The following SBK1 variants were observed in gnomAD, a reference collection of about 807,000 sequenced individuals.
SBK1 encodes SH3 domain binding kinase 1.
SBK1 carries 11 observed loss-of-function variants against 24.4 expected under a neutral mutation model. The ratio of observed to expected loss-of-function variants is 0.45; its 90% CI spans 0.28 to 0.75. The LOEUF is 0.75. Among genes scored for constraint, SBK1 ranks in the 30% least tolerant of loss-of-function variants. The probability of loss-of-function intolerance (pLI) is 0.12; values close to 1 mark genes in which losing one functional copy is unlikely to be tolerated. For missense variants in SBK1, 467 were observed against 620.5 expected (o/e 0.75, Z 2.63); for synonymous variants, 308 against 284.4 (o/e 1.08, Z -0.83).
rs376113691 is a variant in SBK1, at chr16:28,269,812, G to A, written c.257+10310G>A. On this transcript the variant is annotated intron_variant, in intron 1 of 3. Coordinates refer to the SBK1 transcript ENST00000671413. ...AATCGCTTGAACTCGGGAGGTGGGGGTTGCAGTGAGCCAAGATTGCACCAC... is the reference window on the plus strand; with the variant it reads ...AATCGCTTGAACTCGGGAGGTGGGGATTGCAGTGAGCCAAGATTGCACCAC... 1.1e-3 allele frequency among the ~76,000 whole-genome samples: 162 copies of A among 152,070 alleles called. 2 individuals carry two copies. The South Asian group carries it at 0.027, about 25-fold the overall frequency.
At chr16:28,280,131 A>ATG (rs1567672125) in intron 1 of SBK1, among the ~76,000 whole-genome samples, 3 of 61,900 alleles carry the variant, frequency 4.8e-5, no homozygotes, top group Non-Finnish European at 1.2e-4. Flanking sequence ...ATATATATAT[A>ATG]TATATATATA....
chr16:28,320,754 G>A lies in SBK1; in HGVS notation c.1108G>A (p.Val370Ile). Reference protein sequence around the residue: ...GSGSRPAPPAVGSVPLPVPVP... With the variant: ...GSGSRPAPPAIGSVPLPVPVP... ...CGGCTCCCGGCCCGCGCCCCCCGCC[G>A]TCGGGTCGGTGCCCTTGCCCGTGCC... The change falls in exon 4 of 4, where the codon GTC becomes ATC. Residue 370 changes from valine to isoleucine, a missense_variant. Physicochemically the swap from Val to Ile is conservative, Grantham distance 29 (BLOSUM62 3). Transcript: ENST00000341901. This position sits in a 1 kb window ranked among gnomAD's most constrained non-coding sequence, Gnocchi z 8.5. 2 of 1,277,270 alleles carry A rather than the reference G, an allele frequency of 1.6e-6. No individual in the cohort carries two copies. The highest frequency in any genetic ancestry group is 1.7e-5 in the South Asian group (1 of 59,456). The allele number at this position is 1,277,270 out of a possible 1,614,324, so 79.1% of individuals were successfully genotyped here.
chr16:28,303,360 G>GT (rs2044692523), intron 1 of SBK1, among the ~76,000 whole-genome samples: 1 of 152,128 alleles, frequency 6.6e-6, no homozygotes, highest in African/African-American at 2.4e-5. Context: ...GTGGGAGTGA[G>GT]TGGAGAGTGA....
chr16:28,314,414 C>T (rs566568069), intron 1 of SBK1, among the ~76,000 whole-genome samples: 10 of 151,288 alleles, frequency 6.6e-5, no homozygotes, highest in Admixed American at 1.3e-4. Context: ...ACCTTGGCCT[C>T]CCAGATTGCT....
intron 1 of SBK1, among the ~76,000 whole-genome samples, chr16:28,274,378 G>A (rs1367986584): frequency 1.3e-5 from 2 of 152,120 alleles, no homozygotes; most frequent in African/African-American, 4.8e-5. Flanking sequence ...GGCCAGGTGC[G>A]ATGGCTCACA....
chr16:28,259,801 C>T lies in SBK1; in HGVS notation c.257+299C>T, dbSNP rs915799325. Among the ~76,000 whole-genome samples, 4 of 152,130 alleles carry T rather than the reference C, an allele frequency of 2.6e-5. No individual in the cohort carries two copies. Among genetic ancestry groups the T allele is most frequent in the South Asian group, 2.1e-4 (1 of 4,838 alleles). ...GCTCCCGTGGGATAAAGTTAACACT[C>T]GGCTGAGCATTCAAGGCCTGCGTGA... On this transcript the variant is annotated intron_variant, in intron 1 of 3. Transcript: ENST00000671413. The surrounding 1 kb of genome is among the most constrained non-coding windows in gnomAD (Gnocchi z 6.0).
chr16:28,307,203 C>G (rs1431240774), intron 1 of SBK1, among the ~76,000 whole-genome samples: 1 of 152,204 alleles, frequency 6.6e-6, no homozygotes, highest in African/African-American at 2.4e-5. Flanking sequence ...CAGGGAACCC[C>G]TGTCATGTAC....
At chr16:28,283,938 C>T (rs1202805158) in intron 1 of SBK1, among the ~76,000 whole-genome samples, 1 of 152,228 alleles carries the variant, frequency 6.6e-6, no homozygotes, top group Non-Finnish European at 1.5e-5. Context: ...TCCCCTCCTC[C>T]CCACTGCCCC....
rs1421641508 is a variant in SBK1, at chr16:28,322,859, C to T, written c.*1938C>T. On this transcript the variant is annotated 3_prime_UTR_variant, in exon 4 of 4. Transcript: ENST00000341901. ...GACATCCTGATCTCTCCTGCAATAA[C>T]TAGGAATCGAGATTCCACAGTAGAC... 6.6e-6 allele frequency: 1 copy of T among 151,536 alleles called. No homozygotes were observed. The highest frequency in any genetic ancestry group is 1.5e-5 in the Non-Finnish European group (1 of 67,918). The allele number at this position is 151,536 out of a possible 1,614,324, so 9.4% of individuals were successfully genotyped here.
In SBK1 at chr16:28,293,055, C is replaced by G. The variant is rs186502553; in HGVS notation, c.-253C>G. The G allele has an allele frequency of 1.1e-4, 107 of 985,426 alleles. 2 individuals are homozygous for G. In the Admixed American group the frequency reaches 6.5e-3, roughly 59 times the overall value. 61.0% of individuals were successfully genotyped at this position (985,426 alleles called of 1,614,324 possible). ...GCCCCTAGATCAGGGGATCCCAATT[C>G]CCCCCAACTCCGGTACATAGAAATC... On this transcript the variant is annotated 5_prime_UTR_variant, in exon 1 of 4. Coordinates refer to ENST00000341901, the MANE Select transcript of SBK1 (RefSeq NM_001024401.3).
Position 28,320,213 on chromosome 16 carries a change from C to G in SBK1, c.567C>G (p.Arg189=), listed in dbSNP as rs539197592. Residue 189 remains arginine (R), a synonymous_variant, in exon 4 of 4, where the codon CGC becomes CGG. Coordinates refer to ENST00000341901, the MANE Select transcript of SBK1 (RefSeq NM_001024401.3). The surrounding 1 kb of genome is among the most constrained non-coding windows in gnomAD (Gnocchi z 8.5). Reference sequence around the variant, plus strand: ...TGCTGTTCGACCGCGAGTGCCGCCGCGTAAAGCTGGCCGACTTCGGCATGA... The same window carrying G: ...TGCTGTTCGACCGCGAGTGCCGCCGGGTAAAGCTGGCCGACTTCGGCATGA... ...NVLLFDRECR[R]VKLADFGMTR... 2.3e-5 allele frequency: 36 copies of G among 1,594,562 alleles called. No individual in the cohort carries two copies. In the East Asian group the frequency reaches 8.1e-4, roughly 36 times the overall value.
chr16:28,293,145 C>A lies in SBK1; in HGVS notation c.-163C>A, dbSNP rs2044613592. 1 of 985,618 alleles carries A rather than the reference C, an allele frequency of 1.0e-6. No individual in the cohort carries two copies. Among genetic ancestry groups the A allele is most frequent in the Admixed American group, 6.1e-5 (1 of 16,274 alleles). 61.1% of individuals were successfully genotyped at this position (985,618 alleles called of 1,614,324 possible). On this transcript the variant is annotated 5_prime_UTR_variant, in exon 1 of 4. Coordinates refer to ENST00000341901, the MANE Select transcript of SBK1 (RefSeq NM_001024401.3). ...CCAGCAAGAAGCCTCGGGGATCCCC[C>A]CCCTAAAGCTCCAGGACTTGGGCGA... is the stretch of plus-strand genomic sequence containing the variant.
chr16:28,300,579 C>T (rs2044672150), intron 1 of SBK1, among the ~76,000 whole-genome samples: 1 of 152,144 alleles, frequency 6.6e-6, no homozygotes, highest in South Asian at 2.1e-4. Flanking sequence ...CTGTGTTAGC[C>T]TCCCAAAGTG....
upstream of SBK1, chr16:28,290,172 G>A (rs904946127): frequency 1.3e-5 from 2 of 152,228 alleles, no homozygotes; most frequent in African/African-American, 2.4e-5. Flanking sequence ...TCCTTTGTAG[G>A]GGAATGGAGA....
chr16:28,299,635 C>A (rs1028854028), intron 1 of SBK1, among the ~76,000 whole-genome samples: 3 of 152,198 alleles, frequency 2.0e-5, no homozygotes, highest in Admixed American at 1.3e-4. Flanking sequence ...TCCCCCACCC[C>A]CTCCTCAGCC....
chr16:28,290,279 A>G (rs2044590318), upstream of SBK1: 1 of 152,138 alleles, frequency 6.6e-6, no homozygotes, highest in Non-Finnish European at 1.5e-5. Context: ...TTTATGTAAG[A>G]CAGCAACCCA....
At chr16:28,284,257 AG>A (rs1322240121) in intron 1 of SBK1, among the ~76,000 whole-genome samples, 1 of 152,214 alleles carries the variant, frequency 6.6e-6, no homozygotes, top group Non-Finnish European at 1.5e-5. Flanking sequence ...CCAGCCCCCT[AG>A]GGATGTGTTC....
chr16:28,316,876 C>G (rs989279320), intron 1 of SBK1, among the ~76,000 whole-genome samples: 3 of 152,012 alleles, frequency 2.0e-5, no homozygotes, highest in Non-Finnish European at 2.9e-5. Flanking sequence ...AAGACCCTGT[C>G]TCAGAAATAA....
Position 28,320,883 on chromosome 16 carries a change from C to A in SBK1, c.1237C>A (p.Gln413Lys). 6.6e-7 allele frequency: 1 copy of A among 1,504,604 alleles called. No homozygotes were observed. The highest frequency in any genetic ancestry group is 8.8e-7 in the Non-Finnish European group (1 of 1,131,804). The allele number at this position is 1,504,604 out of a possible 1,614,324, so 93.2% of individuals were successfully genotyped here. Residue 413 changes from glutamine (Q) to lysine (K), a missense_variant, in exon 4 of 4, where the codon CAG (glutamine) becomes AAG (lysine). By Grantham distance (53) the Gln-to-Lys change is moderately conservative. This residue lies in a region of SBK1 where 166 missense variants were observed against 146.8 expected (regional missense o/e 1.13). Coordinates refer to ENST00000341901, the MANE Select transcript of SBK1 (RefSeq NM_001024401.3). The surrounding 1 kb of genome is among the most constrained non-coding windows in gnomAD (Gnocchi z 8.5). ...TDGRADKSKG[Q>K]VVLATAIEIC... ...CGGCCGCGCGGACAAGAGCAAAGGG[C>A]AGGTGGTGCTGGCCACGGCCATCGA...
Sources: gnomAD v4.1 joint callset for allele counts (sites outside exome capture counted in the v4.1 genomes callset) on GRCh38, gnomAD v4.1.1 for gene constraint, gnomAD v4.1.1 regional missense constraint, Gnocchi (gnomAD v3.1) non-coding constraint, MANE v1.5 for transcripts, NCBI Gene and HGNC (gene_info 2026-07-23, HGNC 2026-07-21) for gene names.